IGSF11: variants seen among roughly 807,000 people sequenced by gnomAD.
IGSF11 encodes the protein CXADR like 1.
IGSF11 carries 22 observed loss-of-function variants against 41.0 expected under a neutral mutation model. That is an observed-to-expected ratio of 0.54 (90% CI 0.38 to 0.77). IGSF11 has a LOEUF of 0.77. Among genes scored for constraint, IGSF11 ranks in the 30% least tolerant of loss-of-function variants. The pLI is 0.00. For missense variants in IGSF11, 444 were observed against 530.8 expected, an observed-to-expected ratio of 0.84 and a Z score of 1.61; for synonymous variants, 219 against 201.3, an observed-to-expected ratio of 1.09 and a Z score of -0.74.
upstream of IGSF11, among the ~76,000 whole-genome samples, chr3:119,110,121 C>T (rs1202594341): frequency 6.6e-6 from 1 of 152,078 alleles, no homozygotes; most frequent in Non-Finnish European, 1.5e-5. Context: ...TGGTGCAGAG[C>T]TGAGTTCAAT....
rs377746200 is a variant in IGSF11 at position 119,097,957 on chromosome 3, A to ATTTTTTTTT, written c.49+7178_49+7186dup. On this transcript the variant is annotated intron_variant, in intron 1 of 6. Transcript: ENST00000354673. Reference sequence around the variant, plus strand: ...AGGCACATGCCACCACATTCAGCTAATTTTTTTTTTTTTTTTTTTTTTTTT... The same window carrying ATTTTTTTTT: ...AGGCACATGCCACCACATTCAGCTAATTTTTTTTTTTTTTTTTTTTTTTTTTTTTTTTTT... Among the ~76,000 whole-genome samples, 5 of 58,364 alleles carry ATTTTTTTTT rather than the reference A, an allele frequency of 8.6e-5. 1 individual carries two copies. Among genetic ancestry groups the ATTTTTTTTT allele is most frequent in the Non-Finnish European group, 1.4e-4 (4 of 29,260 alleles). 38.3% of individuals were successfully genotyped at this position (58,364 alleles called of 152,430 possible).
intron 1 of IGSF11, among the ~76,000 whole-genome samples, chr3:119,072,220 G>A (rs777360808): frequency 1.3e-5 from 2 of 152,178 alleles, no homozygotes; most frequent in Non-Finnish European, 2.9e-5. Flanking sequence ...ATGATCCTGA[G>A]CTAAGGCATT....
chr3:119,107,467 A>T (rs1479535170), upstream of IGSF11, among the ~76,000 whole-genome samples: 5 of 151,896 alleles, frequency 3.3e-5, 1 homozygote, highest in South Asian at 4.2e-4. Context: ...GTTTGAGTTC[A>T]TTGTAGATTC....
chr3:119,035,575 G>A (rs1940857752), upstream of IGSF11, among the ~76,000 whole-genome samples: 1 of 152,122 alleles, frequency 6.6e-6, no homozygotes, highest in South Asian at 2.1e-4. Context: ...GTTAACTAGT[G>A]GGGTATGTAC....
At chr3:119,099,044 A>G (rs752142292) in intron 1 of IGSF11, among the ~76,000 whole-genome samples, 3 of 152,240 alleles carry the variant, frequency 2.0e-5, no homozygotes, top group Non-Finnish European at 2.9e-5. Context: ...TGCCCCAATT[A>G]TAACAAATTG....
intron 1 of IGSF11, among the ~76,000 whole-genome samples, chr3:119,048,392 A>C (rs1941463351): frequency 6.6e-6 from 1 of 152,224 alleles, no homozygotes; most frequent in African/African-American, 2.4e-5. Flanking sequence ...AAACTAGAAA[A>C]TCTAGAAGAA....
At chr3:119,106,055 C>T (rs78835975), upstream of IGSF11, among the ~76,000 whole-genome samples, 93 of 152,178 alleles carry the variant, frequency 6.1e-4, no homozygotes, top group African/African-American at 2.0e-3. Flanking sequence ...TAAGGATCCA[C>T]GTTAAGAGGT....
At chr3:119,092,597 G>A (rs571037839) in intron 1 of IGSF11, among the ~76,000 whole-genome samples, 3 of 152,094 alleles carry the variant, frequency 2.0e-5, no homozygotes, top group East Asian at 1.9e-4. Flanking sequence ...CCCAAAGTGC[G>A]GGGATTACAG....
intron 1 of IGSF11, among the ~76,000 whole-genome samples, chr3:119,117,473 C>G (rs144260540): frequency 6.6e-6 from 1 of 152,262 alleles, no homozygotes; most frequent in African/African-American, 2.4e-5. Flanking sequence ...GACTTATTCA[C>G]TATCACAAGA....
intron 1 of IGSF11, among the ~76,000 whole-genome samples, chr3:119,090,390 T>G (rs1255467392): frequency 2.0e-5 from 3 of 152,186 alleles, no homozygotes; most frequent in African/African-American, 7.2e-5. Context: ...TATTCTAAAA[T>G]TCATATGGAA....
intron 1 of IGSF11, among the ~76,000 whole-genome samples, chr3:118,964,297 T>C (rs1440062186): frequency 6.6e-6 from 1 of 152,180 alleles, no homozygotes; most frequent in Non-Finnish European, 1.5e-5. Context: ...GGGTTAAATC[T>C]GTATATGTGT....
chr3:118,985,440 G>T (rs1393938022), intron 1 of IGSF11, among the ~76,000 whole-genome samples: 5 of 152,160 alleles, frequency 3.3e-5, no homozygotes, highest in Non-Finnish European at 7.3e-5. Flanking sequence ...TGTCATCAGT[G>T]AAGACTAATG....
intron 1 of IGSF11, among the ~76,000 whole-genome samples, chr3:119,079,216 G>T (rs751890233): frequency 6.6e-6 from 1 of 152,042 alleles, no homozygotes; most frequent in Non-Finnish European, 1.5e-5. Flanking sequence ...AAAATTAGCC[G>T]GGTGTGGTGG....
At position 118,914,548 on chromosome 3, in the gene IGSF11, C is replaced by T. The variant is rs573556619; in HGVS notation, c.581-8830G>A. On this transcript the variant is annotated intron_variant, in intron 4 of 6. Coordinates refer to ENST00000393775, the MANE Select transcript of IGSF11 (RefSeq NM_001015887.3). Reference sequence around the variant, plus strand: ...CACCCGAATATGGCGCTTTTCAGACCGGCTTAAAAAACGGCGCACCACGAG... The same window carrying T: ...CACCCGAATATGGCGCTTTTCAGACTGGCTTAAAAAACGGCGCACCACGAG... 1.7e-4 allele frequency among the ~76,000 whole-genome samples: 25 copies of T among 151,504 alleles called. No individual in the cohort carries two copies. The East Asian group carries it at 3.9e-3, about 24-fold the overall frequency.
chr3:118,990,373 T>C (rs577439287), intron 1 of IGSF11, among the ~76,000 whole-genome samples: 2 of 152,294 alleles, frequency 1.3e-5, no homozygotes, highest in African/African-American at 2.4e-5. Flanking sequence ...TTTGAAAGTA[T>C]GGATGCATAA....
chr3:118,902,449 C>T lies in IGSF11; in HGVS notation c.*71G>A. 1 of 470,288 alleles carries T rather than the reference C, an allele frequency of 2.1e-6. No individual in the cohort carries two copies. The highest frequency in any genetic ancestry group is 4.2e-6 in the Non-Finnish European group (1 of 238,292). 29.1% of individuals were successfully genotyped at this position (470,288 alleles called of 1,614,324 possible). ...AGGAAGTGTTTCTTTCCCAGCACTC[C>T]CCACCCCACCCTCCCCCTTGTATGA... On this transcript the variant is annotated 3_prime_UTR_variant, in exon 7 of 7. Transcript: ENST00000393775.
rs760793355 is a variant in IGSF11, at chr3:118,903,226, T to C, written c.855-265A>G. 3.3e-5 allele frequency among the ~76,000 whole-genome samples: 5 copies of C among 152,256 alleles called. 2 individuals carry two copies. The South Asian group carries it at 1.0e-3, about 32-fold the overall frequency. On this transcript the variant is annotated intron_variant, in intron 6 of 6. Transcript: ENST00000393775. The stretch of plus-strand genomic sequence containing the variant: ...AGGAAATCTCAGATCTCTCAGAGAA[T>C]GTCTCTTCCAATACAACTTTTAAAC...
intron 1 of IGSF11, among the ~76,000 whole-genome samples, chr3:119,098,348 T>C (rs905146043): frequency 6.6e-6 from 1 of 152,184 alleles, no homozygotes; most frequent in South Asian, 2.1e-4. Context: ...CTTAGAGCAG[T>C]GCCTAACATA....
chr3:119,081,195 C>A (rs1198554517), intron 1 of IGSF11, among the ~76,000 whole-genome samples: 1 of 151,990 alleles, frequency 6.6e-6, no homozygotes, highest in Admixed American at 6.6e-5. Flanking sequence ...CTCATAGTCC[C>A]ATTTTTCGTC....
Sources: gnomAD v4.1 joint callset for allele counts (sites outside exome capture counted in the v4.1 genomes callset) on GRCh38, gnomAD v4.1.1 for gene constraint, MANE v1.5 for transcripts, NCBI Gene and HGNC (gene_info 2026-07-23, HGNC 2026-07-21) for gene names.